Variants in SCN7A observed in about 807,000 individuals in gnomAD.
SCN7A encodes sodium channel protein type 7 subunit alpha.
A neutral mutation model predicts 155.2 loss-of-function variants in SCN7A; 138 were observed. That is an observed-to-expected ratio of 0.89 (90% confidence interval 0.77 to 1.02). SCN7A has a LOEUF of 1.02. SCN7A is among the 50% of genes least tolerant of loss of function. SCN7A has a pLI of 0.00. For synonymous variants in SCN7A, 693 were observed against 649.0 expected, an observed-to-expected ratio of 1.07 and a Z score of -1.03; for missense variants, 2,058 against 1,986.6, an observed-to-expected ratio of 1.04 and a Z score of -0.68.
intron 11 of SCN7A, among the ~76,000 whole-genome samples, chr2:166,450,687 G>A (rs577003801): frequency 3.3e-5 from 5 of 152,098 alleles, no homozygotes; most frequent in East Asian, 3.9e-4. Flanking sequence ...CCAGCTACTC[G>A]GGAGGCTGAG....
intron 9 of SCN7A, among the ~76,000 whole-genome samples, chr2:166,464,958 T>G (rs774638203): frequency 6.6e-6 from 1 of 152,216 alleles, no homozygotes; most frequent in Non-Finnish European, 1.5e-5. Flanking sequence ...GTATTCCACA[T>G]TGCATACTTC....
chr2:166,448,242 T>A (rs1702107358), intron 11 of SCN7A, among the ~76,000 whole-genome samples: 1 of 152,156 alleles, frequency 6.6e-6, no homozygotes, highest in South Asian at 2.1e-4. Flanking sequence ...TTATTTCACT[T>A]AACATAACCT....
At chr2:166,438,916 A>G (rs1169565513) in intron 15 of SCN7A, among the ~76,000 whole-genome samples, 1 of 151,522 alleles carries the variant, frequency 6.6e-6, no homozygotes, top group Non-Finnish European at 1.5e-5. Flanking sequence ...AGTAGAAACA[A>G]CAAAAAATAG....
At chr2:166,415,673 C>G (rs1468371069) in intron 21 of SCN7A, among the ~76,000 whole-genome samples, 1 of 152,140 alleles carries the variant, frequency 6.6e-6, no homozygotes, top group African/African-American at 2.4e-5. Context: ...TACTTTTATA[C>G]TTTCTTATGA....
chr2:166,494,224 C>T lies in SCN7A; in HGVS notation c.-384G>A, dbSNP rs1181613426. The T allele has an allele frequency of 1.3e-5, 2 of 152,474 alleles. No homozygotes were observed. The highest frequency in any genetic ancestry group is 1.9e-4 in the East Asian group (1 of 5,176). 9.4% of individuals were successfully genotyped at this position (152,474 alleles called of 1,614,324 possible). ...TCTCCAGCCACTGACCCAGAGACCC[C>T]TCCTACCCAGATGTCCAGTGGAGCC... On this transcript the variant is annotated 5_prime_UTR_variant, in exon 1 of 26. Transcript: ENST00000643258.
chr2:166,408,303 T>C (rs1193384309), intron 25 of SCN7A, among the ~76,000 whole-genome samples: 1 of 152,034 alleles, frequency 6.6e-6, no homozygotes. Context: ...ACTTCAATAA[T>C]TGACTCACTG....
intron 16 of SCN7A, among the ~76,000 whole-genome samples, chr2:166,432,083 C>T (rs549426054): frequency 5.3e-5 from 8 of 152,112 alleles, no homozygotes; most frequent in Non-Finnish European, 8.8e-5. Flanking sequence ...TTACCTCCCC[C>T]CCTCCATGGA....
chr2:166,415,294 G>T (rs1401235628), intron 21 of SCN7A, among the ~76,000 whole-genome samples: 1 of 149,082 alleles, frequency 6.7e-6, no homozygotes, highest in Admixed American at 6.8e-5. Flanking sequence ...GAATGATCTC[G>T]GCTCACTGCA....
At chr2:166,450,268 C>T (rs1702148683) in intron 11 of SCN7A, among the ~76,000 whole-genome samples, 2 of 152,002 alleles carry the variant, frequency 1.3e-5, no homozygotes, top group South Asian at 4.2e-4. Flanking sequence ...ACTTTGTGTA[C>T]ACATGGACAT....
Position 166,472,376 on chromosome 2 carries a change from T to A in SCN7A, c.513A>T (p.Gly171=), listed in dbSNP as rs1702680167. Residue 171 remains glycine, a synonymous_variant, in exon 6 of 26, where the codon GGA becomes GGT. Transcript: ENST00000643258. ...ATGGATCACCGAGGAAGGAAAATGA[T>A]CCTGCCCAGACACCTCTTGCAAAGA... is the stretch of plus-strand genomic sequence containing the variant. ...VKLFARGVWA[G]SFSFLGDPWN... 1 of 1,608,858 alleles carries A rather than the reference T, an allele frequency of 6.2e-7. No homozygotes were observed. The highest frequency in any genetic ancestry group is 1.1e-5 in the South Asian group (1 of 90,464).
chr2:166,427,655 ATGAAATTTGG>A (rs1312200491), intron 18 of SCN7A, 123 bp downstream of exon 18: 1 of 599,532 alleles, frequency 1.7e-6, no homozygotes, highest in African/African-American at 1.9e-5. Context: ...ATCACAGATT[ATGAAATTTGG>A]TGCTATTTGG....
intron 15 of SCN7A, among the ~76,000 whole-genome samples, chr2:166,433,223 T>A (rs775438997): frequency 1.3e-5 from 2 of 152,152 alleles, no homozygotes; most frequent in Non-Finnish European, 2.9e-5. Context: ...ATGATAACCA[T>A]GTGAAGTAAT....
At chr2:166,431,629 A>G (rs564254744) in intron 16 of SCN7A, among the ~76,000 whole-genome samples, 2 of 152,238 alleles carry the variant, frequency 1.3e-5, no homozygotes, top group South Asian at 4.1e-4. Flanking sequence ...GACTGTTTCC[A>G]GTAGGGTGTA....
rs536332820 is a variant in SCN7A at position 166,434,588 on chromosome 2, G to T, written c.2158-1836C>A. ...TGTTCTCCCACTAGCGTCTCCTTTG[G>T]CAATGAGGTTTACTTATAGATAATC... is the stretch of plus-strand genomic sequence containing the variant. On this transcript the variant is annotated intron_variant, in intron 15 of 25. Transcript: ENST00000643258. Among the ~76,000 whole-genome samples, 192 of 152,186 alleles carry T rather than the reference G, an allele frequency of 1.3e-3. 1 individual carries two copies. The highest frequency in any genetic ancestry group is 4.2e-3 in the African/African-American group (174 of 41,524).
intron 8 of SCN7A, 60 bp downstream of exon 8, chr2:166,465,721 G>T: frequency 6.5e-7 from 1 of 1,541,102 alleles, no homozygotes; most frequent in Non-Finnish European, 9.0e-7. Flanking sequence ...TTTCTGGGAA[G>T]ACTGCTTTGC....
Position 166,423,254 on chromosome 2 carries a change from C to G in SCN7A, c.3027+5G>C. 1 of 1,594,920 alleles carries G rather than the reference C, an allele frequency of 6.3e-7. No individual in the cohort carries two copies. The highest frequency in any genetic ancestry group is 8.5e-7 in the Non-Finnish European group (1 of 1,174,652). ...ATAGCCTTTCATTTTCTTTAAAATA[C>G]GTACAATAACAACCACGAAGTCCAG... On this transcript the variant is annotated splice_donor_5th_base_variant and intron_variant, in intron 19 of 25. Coordinates refer to ENST00000643258, the MANE Select transcript of SCN7A (RefSeq NM_002976.4).
Position 166,406,018 on chromosome 2 carries a change from C to T in SCN7A, c.4611G>A (p.Lys1537=). 6.2e-7 allele frequency: 1 copy of T among 1,612,914 alleles called. No homozygotes were observed. Among genetic ancestry groups the T allele is most frequent in the Non-Finnish European group, 8.5e-7 (1 of 1,179,382 alleles). Residue 1537 remains lysine, a synonymous_variant, in exon 26 of 26, where the codon AAG becomes AAA. Coordinates refer to ENST00000643258, the MANE Select transcript of SCN7A (RefSeq NM_002976.4). The stretch of plus-strand genomic sequence containing the variant: ...CAAGAGCAGCTGCAAAATCTGAAAG[C>T]TTGCTAGAGTCTATGTACTGGGTCC... ...PDRTQYIDSS[K]LSDFAAALDP...
chr2:166,410,173 A>G, intron 24 of SCN7A, 47 bp downstream of exon 24: 1 of 1,358,698 alleles, frequency 7.4e-7, no homozygotes, highest in Non-Finnish European at 1.0e-6. Context: ...GAGAATATAT[A>G]AAGAACACCT....
chr2:166,416,682 A>G lies in SCN7A; in HGVS notation c.3414+25T>C, dbSNP rs1575006904. On this transcript the variant is annotated intron_variant, in intron 21 of 25. Transcript: ENST00000643258. Reference sequence around the variant, plus strand: ...CAATATGGATGAATATATAATTAATAAGGAAAAGTCAAAAGTGTACTTACT... The same window carrying G: ...CAATATGGATGAATATATAATTAATGAGGAAAAGTCAAAAGTGTACTTACT... 4 of 1,555,122 alleles carry G rather than the reference A, an allele frequency of 2.6e-6. No individual in the cohort carries two copies. In the East Asian group the frequency reaches 9.3e-5, roughly 36 times the overall value.
Sources: gnomAD v4.1 joint callset for allele counts (sites outside exome capture counted in the v4.1 genomes callset) on GRCh38, gnomAD v4.1.1 for gene constraint, MANE v1.5 for transcripts, NCBI Gene and HGNC (gene_info 2026-07-23, HGNC 2026-07-21) for gene names.